Variants in IFT56 observed in about 807,000 individuals in gnomAD.
IFT56 encodes intraflagellar transport protein 56.
chr7:139,147,151 G>T, the IFT56 span: 1 of 1,612,166 alleles, frequency 6.2e-7, no homozygotes, highest in African/African-American at 1.3e-5. Flanking sequence ...TTAGTTTAAT[G>T]ATGAGAAAAA....
chr7:139,166,554 A>T, the IFT56 span, among the ~76,000 whole-genome samples: 3 of 145,602 alleles, frequency 2.1e-5, no homozygotes, highest in African/African-American at 8.1e-5. Flanking sequence ...TAAAGAAATC[A>T]TTGCTTTTCT....
At chr7:139,142,300 C>T in the IFT56 span, 1 of 1,613,804 alleles carries the variant, frequency 6.2e-7, no homozygotes, top group Non-Finnish European at 8.5e-7. Context: ...CCACTTGGCT[C>T]ACAAGGTATT....
At chr7:139,183,926 A>T in the IFT56 span, among the ~76,000 whole-genome samples, 1 of 152,236 alleles carries the variant, frequency 6.6e-6, no homozygotes, top group East Asian at 1.9e-4. Flanking sequence ...TTGGCATGGA[A>T]TACTACTCAG....
the IFT56 span, among the ~76,000 whole-genome samples, chr7:139,153,305 A>G: frequency 2.2e-4 from 33 of 151,136 alleles, no homozygotes; most frequent in African/African-American, 8.0e-4. Flanking sequence ...ATAAAAATTA[A>G]CCGGACGTGA....
the IFT56 span, among the ~76,000 whole-genome samples, chr7:139,149,447 G>A: frequency 1.3e-5 from 2 of 151,408 alleles, no homozygotes; most frequent in African/African-American, 4.9e-5. Flanking sequence ...TAACCCAGGA[G>A]TTTCTCACCT....
the IFT56 span, among the ~76,000 whole-genome samples, chr7:139,181,605 T>C: frequency 6.6e-6 from 1 of 152,194 alleles, no homozygotes; most frequent in African/African-American, 2.4e-5. Flanking sequence ...TTCTGAGAAA[T>C]GTGTCATTAG....
the IFT56 span, chr7:139,173,120 G>A: frequency 1.4e-6 from 1 of 694,144 alleles, no homozygotes; most frequent in African/African-American, 1.8e-5. Flanking sequence ...GTGGACTGTG[G>A]CATGGATGGA....
the IFT56 span, chr7:139,147,430 G>T: frequency 1.3e-6 from 1 of 752,004 alleles, no homozygotes; most frequent in Non-Finnish European, 2.0e-6. Flanking sequence ...GTGAGATTAA[G>T]AATTAGATAT....
the IFT56 span, among the ~76,000 whole-genome samples, chr7:139,179,990 A>G: frequency 6.6e-6 from 1 of 152,214 alleles, no homozygotes; most frequent in Non-Finnish European, 1.5e-5. Context: ...ACTTTTCACT[A>G]TGGGTCAAGT....
At chr7:139,163,092 C>G in the IFT56 span, among the ~76,000 whole-genome samples, 4 of 151,856 alleles carry the variant, frequency 2.6e-5, no homozygotes, top group Non-Finnish European at 5.9e-5. Flanking sequence ...TGCCTGTAAT[C>G]CCAGCACTTT....
chr7:139,161,149 T>TC, the IFT56 span: 3 of 752,346 alleles, frequency 4.0e-6, no homozygotes, highest in Non-Finnish European at 4.3e-6. Flanking sequence ...GAACCCCTCC[T>TC]CACTGTGGAG....
At chr7:139,134,689 G>A in the IFT56 span, 10 of 1,613,820 alleles carry the variant, frequency 6.2e-6, no homozygotes, top group African/African-American at 1.3e-4. Flanking sequence ...GTAGGCAGAG[G>A]CGTACAGCAC....
the IFT56 span, among the ~76,000 whole-genome samples, chr7:139,163,111 G>A: frequency 0.013 from 1,993 of 151,904 alleles, 34 homozygotes; most frequent in East Asian, 0.072. Context: ...TTGGGAGGCC[G>A]AGGTGGGCGG....
At chr7:139,160,879 T>A in the IFT56 span, 1 of 1,127,018 alleles carries the variant, frequency 8.9e-7, no homozygotes, top group Non-Finnish European at 1.3e-6. Flanking sequence ...TTATAAACCA[T>A]TGTGTCAATA....
the IFT56 span, among the ~76,000 whole-genome samples, chr7:139,160,326 C>T: frequency 2.0e-5 from 3 of 152,052 alleles, no homozygotes; most frequent in Admixed American, 1.3e-4. Flanking sequence ...AGGCTTAGTT[C>T]GTTAATCACC....
the IFT56 span, chr7:139,146,950 G>T: frequency 6.7e-7 from 1 of 1,498,270 alleles, no homozygotes; most frequent in East Asian, 2.6e-5. Context: ...GTCAAGCTAT[G>T]CCTCCAGAGG....
the IFT56 span, chr7:139,169,346 G>A: frequency 1.2e-6 from 2 of 1,613,942 alleles, no homozygotes; most frequent in Non-Finnish European, 1.7e-6. Context: ...ATCAGCTAGT[G>A]AATGTGGTAT....
At chr7:139,186,822 CG>C in the IFT56 span, among the ~76,000 whole-genome samples, 1 of 151,956 alleles carries the variant, frequency 6.6e-6, no homozygotes, top group Non-Finnish European at 1.5e-5. Context: ...TGGCCGGGCG[CG>C]GTGGCTCACG....
chr7:139,146,766 CAA>C, the IFT56 span, among the ~76,000 whole-genome samples: 12 of 88,698 alleles, frequency 1.4e-4, no homozygotes, highest in Admixed American at 2.3e-4. Flanking sequence ...GACTCCGTTT[CAA>C]AAAAAAAAAA....
Sources: allele counts gnomAD v4.1 joint callset (sites outside exome capture counted in the v4.1 genomes callset), GRCh38; gene constraint gnomAD v4.1.1; transcripts MANE v1.5; gene names NCBI Gene and HGNC (gene_info 2026-07-23, HGNC 2026-07-21).